Variants in MCM9 observed in about 807,000 individuals in gnomAD.
MCM9 encodes minichromosome maintenance 9 homologous recombination repair factor, also known as DNA helicase MCM9.
A neutral mutation model predicts 72.8 loss-of-function variants in MCM9; 55 were observed. The observed-to-expected ratio is 0.76, with a 90% CI of 0.61 to 0.95. MCM9 has a LOEUF of 0.95. Ranked by LOEUF, MCM9 falls within the 40% of genes least tolerant of loss-of-function variation. The pLI is 0.00. For missense variants in MCM9, 1,279 were observed against 1,377.0 expected (o/e 0.93, Z 1.13); for synonymous variants, 480 against 503.4 (o/e 0.95, Z 0.62).
chr6:118,884,129 T>C (rs1187818258), intron 8 of MCM9, among the ~76,000 whole-genome samples: 1 of 152,126 alleles, frequency 6.6e-6, no homozygotes, highest in Non-Finnish European at 1.5e-5. Flanking sequence ...CAAGAACAAA[T>C]GAAGAGAGCC....
chr6:118,878,589 C>CA (rs1778086950), intron 8 of MCM9, among the ~76,000 whole-genome samples: 1 of 152,038 alleles, frequency 6.6e-6, no homozygotes, highest in East Asian at 1.9e-4. Context: ...AATAGAATTA[C>CA]ATTGTAACAA....
At chr6:118,864,024 C>T (rs1287793625) in intron 8 of MCM9, among the ~76,000 whole-genome samples, 3 of 150,842 alleles carry the variant, frequency 2.0e-5, no homozygotes, top group Non-Finnish European at 3.0e-5. Flanking sequence ...AAAAAAAGAC[C>T]CAACTATAAG....
chr6:118,853,908 T>G (rs959570313), intron 9 of MCM9, among the ~76,000 whole-genome samples: 2 of 152,202 alleles, frequency 1.3e-5, no homozygotes, highest in Admixed American at 1.3e-4. Flanking sequence ...ATCTCTCCAT[T>G]TAAGTCCTTT....
intron 8 of MCM9, among the ~76,000 whole-genome samples, chr6:118,897,940 C>T (rs768061429): frequency 2.0e-5 from 3 of 152,178 alleles, no homozygotes; most frequent in Non-Finnish European, 2.9e-5. Flanking sequence ...TACAAGTGTT[C>T]CCTGAGTTGC....
In MCM9 at chr6:118,902,138, A is replaced by C. The variant is rs776023549; in HGVS notation, c.1150+9512T>G. On this transcript the variant is annotated intron_variant, in intron 8 of 13. Transcript: ENST00000619706. ...CTGTTAATCAAAGTTGTGTGAGTGC[A>C]TAACCATGTAAAAGACATGGGTAAC... Among the ~76,000 whole-genome samples the C allele has an allele frequency of 1.7e-4, 26 of 152,258 alleles. 1 individual carries two copies. Among genetic ancestry groups the C allele is most frequent in the Non-Finnish European group, 3.7e-4 (25 of 68,036 alleles).
intron 9 of MCM9, among the ~76,000 whole-genome samples, chr6:118,852,261 C>T (rs1625991): frequency 0.076 from 11,611 of 152,056 alleles, 683 homozygotes; most frequent in East Asian, 0.19. Flanking sequence ...TGTTATGTGG[C>T]GTATAACTAT....
chr6:118,877,864 T>TA (rs1276335644), intron 8 of MCM9, among the ~76,000 whole-genome samples: 1 of 152,058 alleles, frequency 6.6e-6, no homozygotes, highest in Admixed American at 6.6e-5. Flanking sequence ...GCATAACAAT[T>TA]AAAAAACAAA....
intron 8 of MCM9, among the ~76,000 whole-genome samples, chr6:118,898,707 T>G (rs1779605650): frequency 6.6e-6 from 1 of 152,194 alleles, no homozygotes; most frequent in Non-Finnish European, 1.5e-5. Flanking sequence ...CGTGAGCCAC[T>G]GCGCCCAGCC....
Position 118,828,083 on chromosome 6 carries a change from T to A in MCM9, c.1576A>T (p.Thr526Ser). The change falls in exon 11 of 14, where the codon ACC becomes TCC. Residue 526 changes from threonine to serine, a missense_variant. Physicochemically the swap from Thr to Ser is moderately conservative, Grantham distance 58. Coordinates refer to ENST00000619706, the MANE Select transcript of MCM9 (RefSeq NM_017696.3). Reference protein sequence around the residue: ...EKLWSMEKMKTYFCLIRNLQP... With the variant: ...EKLWSMEKMKSYFCLIRNLQP... ...AGATTCCTTATGAGGCAGAAATAGGTTTTCATCTTTTCCATGCTCCAGAGC... is the reference window on the plus strand; with the variant it reads ...AGATTCCTTATGAGGCAGAAATAGGATTTCATCTTTTCCATGCTCCAGAGC... The A allele has an allele frequency of 1.3e-6, 2 of 1,550,498 alleles. No individual in the cohort carries two copies. The highest frequency in any genetic ancestry group is 1.7e-6 in the Non-Finnish European group (2 of 1,146,992).
intron 8 of MCM9, among the ~76,000 whole-genome samples, chr6:118,866,371 CTGAAG>C (rs769199104): frequency 3.9e-5 from 6 of 152,082 alleles, no homozygotes; most frequent in Non-Finnish European, 8.8e-5. Context: ...TAGAAACTAA[CTGAAG>C]TGAAGTGGAG....
In MCM9 at chr6:118,839,737, G is replaced by A. The variant is rs540169132; in HGVS notation, c.1326-10487C>T. 2.0e-5 allele frequency among the ~76,000 whole-genome samples: 3 copies of A among 152,304 alleles called. No homozygotes were observed. In the South Asian group the frequency reaches 6.2e-4, roughly 32 times the overall value. On this transcript the variant is annotated intron_variant, in intron 9 of 13. Coordinates refer to ENST00000619706, the MANE Select transcript of MCM9 (RefSeq NM_017696.3). ...TCCACTCCAGACCCTGTTTGCCTGG[G>A]TATCACCAGCAGAGACTGCAGAACA...
chr6:118,931,377 T>C (rs1782411964), intron 3 of MCM9, 43 bp downstream of exon 3: 2 of 1,500,098 alleles, frequency 1.3e-6, no homozygotes, highest in South Asian at 1.2e-5. Context: ...TCTCAAAATC[T>C]TTCTAGAAGA....
chr6:118,822,211 G>T (rs928132399), intron 13 of MCM9, among the ~76,000 whole-genome samples: 5 of 152,096 alleles, frequency 3.3e-5, no homozygotes, highest in African/African-American at 1.2e-4. Flanking sequence ...TCTGGTTTTT[G>T]GAATTTTCAG....
Position 118,826,312 on chromosome 6 carries a change from C to A in MCM9, c.1816-20G>T, listed in dbSNP as rs1356923165. 1.3e-6 allele frequency: 2 copies of A among 1,544,482 alleles called. No homozygotes were observed. The highest frequency in any genetic ancestry group is 4.9e-5 in the East Asian group (2 of 40,894). ...ACCTCCCTGAAGGGGTGAGAAAATA[C>A]CAGGAGAGTCACCAGGCCAGCCTGC... On this transcript the variant is annotated intron_variant, in intron 12 of 13. Transcript: ENST00000619706.
intron 8 of MCM9, among the ~76,000 whole-genome samples, chr6:118,873,813 G>A (rs1777767248): frequency 6.6e-6 from 1 of 152,114 alleles, no homozygotes; most frequent in African/African-American, 2.4e-5. Context: ...ACCAGATAAA[G>A]ACATTACAAG....
intron 8 of MCM9, among the ~76,000 whole-genome samples, chr6:118,880,815 T>C (rs550706001): frequency 2.6e-5 from 4 of 152,314 alleles, no homozygotes; most frequent in Admixed American, 2.6e-4. Context: ...AGGATTCCTG[T>C]GTTCAACAAT....
chr6:118,851,659 T>TA (rs1397251305), intron 9 of MCM9, among the ~76,000 whole-genome samples: 60 of 151,900 alleles, frequency 3.9e-4, no homozygotes, highest in Middle Eastern at 3.4e-3. Flanking sequence ...CTCAGAAAAG[T>TA]AAAAATTCTT....
intron 6 of MCM9, among the ~76,000 whole-genome samples, chr6:118,916,600 A>T (rs1780984865): frequency 6.6e-6 from 1 of 151,742 alleles, no homozygotes; most frequent in Non-Finnish European, 1.5e-5. Flanking sequence ...CTGGGACTAC[A>T]GGTGCACGCC....
intron 8 of MCM9, among the ~76,000 whole-genome samples, chr6:118,873,205 AGGGGAGGGAAAGGGAAAGGGAAG>A (rs1289848343): frequency 9.8e-5 from 2 of 20,334 alleles, no homozygotes; most frequent in Non-Finnish European, 2.1e-4. Context: ...AGGGGAGGGG[AGGGGAGGGAAAGGGAAAGGGAAG>A]GGGAAAGGGA....
Sources: gnomAD v4.1 joint callset for allele counts (sites outside exome capture counted in the v4.1 genomes callset) on GRCh38, gnomAD v4.1.1 for gene constraint, MANE v1.5 for transcripts, NCBI Gene and HGNC (gene_info 2026-07-23, HGNC 2026-07-21) for gene names.